The following PLCXD3 variants were observed in gnomAD, a reference collection of about 807,000 sequenced individuals.
PLCXD3 encodes PI-PLC X domain-containing protein 3.
PLCXD3 carries 19 observed loss-of-function variants against 25.5 expected under a neutral mutation model. That is an observed-to-expected ratio of 0.75 (90% CI 0.52 to 1.09). The LOEUF (loss-of-function observed/expected upper bound fraction) is 1.09, where lower values mean the gene tolerates loss of function less well. PLCXD3 is among the 50% of genes least tolerant of loss of function. The pLI is 0.00. For synonymous variants in PLCXD3, 174 were observed against 137.6 expected (o/e 1.26, Z -1.85); for missense variants, 411 against 388.1 (o/e 1.06, Z -0.50).
intron 1 of PLCXD3, among the ~76,000 whole-genome samples, chr5:41,507,720 G>A (rs1749081458): frequency 6.6e-6 from 1 of 152,206 alleles, no homozygotes; most frequent in Admixed American, 6.5e-5. Flanking sequence ...CTTTGAGGAT[G>A]ACTGAGCAGC....
At chr5:41,509,623 G>T (rs1738986497) in intron 1 of PLCXD3, among the ~76,000 whole-genome samples, 1 of 152,162 alleles carries the variant, frequency 6.6e-6, no homozygotes, top group Non-Finnish European at 1.5e-5. Flanking sequence ...CGTACTATTT[G>T]CCTATTAATC....
intron 1 of PLCXD3, among the ~76,000 whole-genome samples, chr5:41,384,967 CA>C (rs1284987315): frequency 6.6e-6 from 1 of 151,934 alleles, no homozygotes; most frequent in Non-Finnish European, 1.5e-5. Flanking sequence ...AAAATAAAAC[CA>C]ATAGATACAA....
At chr5:41,421,977 C>G (rs1746838896) in intron 1 of PLCXD3, among the ~76,000 whole-genome samples, 1 of 80,070 alleles carries the variant, frequency 1.2e-5, no homozygotes, top group African/African-American at 5.0e-5. Flanking sequence ...TATAAACAAC[C>G]TAGGTATTTC....
chr5:41,466,340 T>G (rs1748017512), intron 1 of PLCXD3, among the ~76,000 whole-genome samples: 1 of 152,110 alleles, frequency 6.6e-6, no homozygotes, highest in Non-Finnish European at 1.5e-5. Flanking sequence ...TCATATGTAC[T>G]ATAAAAATGT....
rs76463836 is a variant in PLCXD3 at position 41,353,678 on chromosome 5, T to A, written c.812+28148A>T. Among the ~76,000 whole-genome samples, 575 of 152,282 alleles carry A rather than the reference T, an allele frequency of 3.8e-3. 4 individuals carry two copies. Among genetic ancestry groups the A allele is most frequent in the African/African-American group, 0.013 (558 of 41,558 alleles). On this transcript the variant is annotated intron_variant, in intron 2 of 2. Coordinates refer to ENST00000377801, the MANE Select transcript of PLCXD3 (RefSeq NM_001005473.3). ...TTATTGAAGGGAGAAAGATAATAAATGAATTATTAGGTAAAATATGGAGTT... is the reference window on the plus strand; with the variant it reads ...TTATTGAAGGGAGAAAGATAATAAAAGAATTATTAGGTAAAATATGGAGTT...
intron 1 of PLCXD3, among the ~76,000 whole-genome samples, chr5:41,487,050 T>C (rs1235075136): frequency 2.0e-5 from 3 of 151,284 alleles, no homozygotes; most frequent in Non-Finnish European, 4.4e-5. Context: ...CTTTTTTTTC[T>C]GAAGGCACGG....
intron 2 of PLCXD3, among the ~76,000 whole-genome samples, chr5:41,364,977 C>T (rs1194680703): frequency 6.6e-6 from 1 of 152,168 alleles, no homozygotes; most frequent in Non-Finnish European, 1.5e-5. Context: ...TCTCAGGGAA[C>T]TTGCTAAATT....
At chr5:41,416,204 G>A (rs746820893) in intron 1 of PLCXD3, among the ~76,000 whole-genome samples, 2 of 151,926 alleles carry the variant, frequency 1.3e-5, no homozygotes, top group Non-Finnish European at 2.9e-5. Flanking sequence ...TCCTATAATA[G>A]TTACCCTTCT....
intron 2 of PLCXD3, among the ~76,000 whole-genome samples, chr5:41,370,580 G>A (rs942697907): frequency 1.3e-5 from 2 of 152,068 alleles, no homozygotes; most frequent in African/African-American, 4.8e-5. Flanking sequence ...CTTTTTTGGG[G>A]GAGAGGATTT....
At chr5:41,420,066 A>G (rs1420309362) in intron 1 of PLCXD3, among the ~76,000 whole-genome samples, 1 of 152,166 alleles carries the variant, frequency 6.6e-6, no homozygotes, top group African/African-American at 2.4e-5. Flanking sequence ...TGTTGTTGCT[A>G]TAATATGCTT....
At chr5:41,474,319 C>T (rs1057503280) in intron 1 of PLCXD3, among the ~76,000 whole-genome samples, 2 of 152,150 alleles carry the variant, frequency 1.3e-5, no homozygotes, top group Non-Finnish European at 2.9e-5. Flanking sequence ...AAACACTGTG[C>T]TTGGGGTGTG....
intron 1 of PLCXD3, among the ~76,000 whole-genome samples, chr5:41,499,338 T>C (rs1174926686): frequency 6.6e-6 from 1 of 151,656 alleles, no homozygotes; most frequent in Non-Finnish European, 1.5e-5. Context: ...TCAGTTGTGT[T>C]TTTATACACT....
chr5:41,349,096 T>G (rs1432221615), intron 2 of PLCXD3, among the ~76,000 whole-genome samples: 2 of 152,194 alleles, frequency 1.3e-5, no homozygotes, highest in Admixed American at 6.5e-5. Context: ...TGCAAAGGAT[T>G]AGAAAGAGTC....
At chr5:41,436,038 G>A (rs1400169579) in intron 1 of PLCXD3, among the ~76,000 whole-genome samples, 1 of 152,126 alleles carries the variant, frequency 6.6e-6, no homozygotes, top group East Asian at 1.9e-4. Flanking sequence ...CCTCTGAGAA[G>A]GGACAAATAT....
chr5:41,349,807 G>C (rs935929388), intron 2 of PLCXD3, among the ~76,000 whole-genome samples: 3 of 152,154 alleles, frequency 2.0e-5, no homozygotes, highest in Non-Finnish European at 2.9e-5. Flanking sequence ...TAGTTACAGA[G>C]CACTAGCCCC....
At chr5:41,381,263 C>CAACTAG (rs749971815) in intron 2 of PLCXD3, among the ~76,000 whole-genome samples, 7 of 152,064 alleles carry the variant, frequency 4.6e-5, no homozygotes, top group Non-Finnish European at 8.8e-5. Context: ...TATGAAAAGA[C>CAACTAG]AACTAGACAT....
intron 1 of PLCXD3, among the ~76,000 whole-genome samples, chr5:41,436,659 A>G (rs1167444283): frequency 1.3e-5 from 2 of 152,182 alleles, no homozygotes; most frequent in African/African-American, 4.8e-5. Flanking sequence ...CAACAAAACC[A>G]CCACCTACTA....
intron 1 of PLCXD3, among the ~76,000 whole-genome samples, chr5:41,472,427 A>G (rs1017482915): frequency 6.6e-6 from 1 of 152,204 alleles, no homozygotes; most frequent in Non-Finnish European, 1.5e-5. Flanking sequence ...TTTCCTGGCT[A>G]CAAAACCCAG....
chr5:41,349,008 A>T (rs1744379332), intron 2 of PLCXD3, among the ~76,000 whole-genome samples: 1 of 152,118 alleles, frequency 6.6e-6, no homozygotes, highest in Non-Finnish European at 1.5e-5. Context: ...TGCGATTCAA[A>T]ATTTCTGGAT....
Sources: gnomAD v4.1 joint callset for allele counts (sites outside exome capture counted in the v4.1 genomes callset) on GRCh38, gnomAD v4.1.1 for gene constraint, MANE v1.5 for transcripts, NCBI Gene and HGNC (gene_info 2026-07-23, HGNC 2026-07-21) for gene names.